FOXP1: variants seen among roughly 807,000 people sequenced by gnomAD.
The protein encoded by FOXP1 is forkhead box P1.
A neutral mutation model predicts 98.2 loss-of-function variants in FOXP1; 15 were observed. That is an observed-to-expected ratio of 0.15 (90% CI 0.10 to 0.24). The LOEUF (loss-of-function observed/expected upper bound fraction) is 0.24, where lower values mean the gene tolerates loss of function less well. Ranked by LOEUF, FOXP1 falls within the 10% of genes least tolerant of loss-of-function variation. The pLI is 1.00. For missense variants in FOXP1, 633 were observed against 848.5 expected (o/e 0.75, Z 3.15); for synonymous variants, 371 against 314.5 (o/e 1.18, Z -1.90).
At chr3:71,167,130 G>T (rs751398699) in intron 6 of FOXP1, among the ~76,000 whole-genome samples, 3 of 151,986 alleles carry the variant, frequency 2.0e-5, no homozygotes, top group Non-Finnish European at 2.9e-5. Context: ...CTGTGCCACA[G>T]CAATCTCAGA....
At chr3:71,389,266 G>GGGT (rs1158481882) in intron 3 of FOXP1, among the ~76,000 whole-genome samples, 4 of 93,616 alleles carry the variant, frequency 4.3e-5, no homozygotes, top group Admixed American at 1.2e-4. Context: ...GGGGGGGCGG[G>GGGT]TTATAAATTT....
intron 6 of FOXP1, among the ~76,000 whole-genome samples, chr3:71,150,221 G>A (rs947039873): frequency 6.6e-6 from 1 of 152,188 alleles, no homozygotes; most frequent in Non-Finnish European, 1.5e-5. Flanking sequence ...TACTAGGGAG[G>A]ATGCTATTTG....
chr3:71,385,107 TA>T (rs11304054), intron 3 of FOXP1, among the ~76,000 whole-genome samples: 38,862 of 138,650 alleles, frequency 0.28, 5,316 homozygotes, highest in African/African-American at 0.39. Flanking sequence ...GAAAAGGAAG[TA>T]AAAAAAAAAA....
In FOXP1 at chr3:71,276,816, A is replaced by C. The variant is rs531060647; in HGVS notation, c.-12+23004T>G. On this transcript the variant is annotated intron_variant, in intron 5 of 20. Coordinates refer to ENST00000649528, the MANE Select transcript of FOXP1 (RefSeq NM_001349338.3). ...AATTATGTATTGCTGTTAACTATAC[A>C]GTCAGCCTACAGTGGTACAGAACAA... is the stretch of plus-strand genomic sequence containing the variant. Among the ~76,000 whole-genome samples the C allele has an allele frequency of 3.6e-4, 55 of 152,268 alleles. 1 individual carries two copies. The South Asian group carries it at 9.1e-3, about 25-fold the overall frequency.
intron 5 of FOXP1, among the ~76,000 whole-genome samples, chr3:71,296,739 G>A (rs1484143386): frequency 1.3e-5 from 2 of 152,174 alleles, no homozygotes; most frequent in African/African-American, 4.8e-5. Flanking sequence ...TCAGAGGAGG[G>A]GCCAATAGAA....
At chr3:71,116,761 A>T (rs2058402647) in intron 6 of FOXP1, among the ~76,000 whole-genome samples, 1 of 152,240 alleles carries the variant, frequency 6.6e-6, no homozygotes, top group Non-Finnish European at 1.5e-5. Context: ...ATGATCTATA[A>T]ATCACTGTGG....
intron 3 of FOXP1, among the ~76,000 whole-genome samples, chr3:71,474,496 C>T (rs2089645571): frequency 6.6e-6 from 1 of 152,176 alleles, no homozygotes; most frequent in African/African-American, 2.4e-5. Flanking sequence ...AGCAGGAGGT[C>T]AGCGTCAGGC....
At chr3:71,408,013 A>G (rs529467502) in intron 3 of FOXP1, among the ~76,000 whole-genome samples, 2 of 152,188 alleles carry the variant, frequency 1.3e-5, no homozygotes, top group South Asian at 2.1e-4. Context: ...CCTCGTCAGG[A>G]AAGAGAGCAG....
intron 14 of FOXP1, among the ~76,000 whole-genome samples, chr3:70,983,694 A>G (rs2039265700): frequency 6.6e-6 from 1 of 152,218 alleles, no homozygotes; most frequent in African/African-American, 2.4e-5. Context: ...TCTGATGTGC[A>G]GGAATACCCT....
intron 2 of FOXP1, among the ~76,000 whole-genome samples, chr3:71,530,691 G>A (rs1016110167): frequency 5.9e-5 from 9 of 152,190 alleles, no homozygotes; most frequent in African/African-American, 1.9e-4. Context: ...CCCTTTCTAA[G>A]CACTGTCTCA....
intron 4 of FOXP1, among the ~76,000 whole-genome samples, chr3:71,316,607 GATGTAGGCCTGTACAA>G (rs1414340337): frequency 2.0e-5 from 3 of 151,844 alleles, no homozygotes; most frequent in Non-Finnish European, 4.4e-5. Context: ...GGGGCACCCG[GATGTAGGCCTGTACAA>G]ATGAGGCAAG....
chr3:71,423,588 TACAAAGC>T (rs1474551805), intron 3 of FOXP1, among the ~76,000 whole-genome samples: 1 of 152,150 alleles, frequency 6.6e-6, no homozygotes, highest in African/African-American at 2.4e-5. Context: ...CTACCAGGGG[TACAAAGC>T]AGACCTGACA....
Position 71,392,244 on chromosome 3 carries a change from C to G in FOXP1, c.-167-33000G>C, listed in dbSNP as rs560111643. ...ACCACATAACTGATTTTAAACTCAGCAAAGTGTTTTATTAAACCTAAGGGT... is the reference window on the plus strand; with the variant it reads ...ACCACATAACTGATTTTAAACTCAGGAAAGTGTTTTATTAAACCTAAGGGT... On this transcript the variant is annotated intron_variant, in intron 3 of 20. Coordinates refer to ENST00000649528, the MANE Select transcript of FOXP1 (RefSeq NM_001349338.3). 2.0e-5 allele frequency among the ~76,000 whole-genome samples: 3 copies of G among 152,232 alleles called. No homozygotes were observed. The East Asian group carries it at 5.8e-4, about 29-fold the overall frequency.
intron 7 of FOXP1, among the ~76,000 whole-genome samples, chr3:71,073,960 G>A (rs1017410437): frequency 1.4e-4 from 21 of 152,194 alleles, no homozygotes; most frequent in Non-Finnish European, 2.2e-4. Context: ...GAACAGAGAG[G>A]TGCAGGAAAT....
rs561450426 is a variant in FOXP1 at position 71,548,957 on chromosome 3, G to A, written c.-298+32592C>T. ...ATTTTACAGATTTAGGAACTAAGGC[G>A]GTGTGTTTAAATAACATATCCAAGG... On this transcript the variant is annotated intron_variant, in intron 2 of 20. Coordinates refer to ENST00000649528, the MANE Select transcript of FOXP1 (RefSeq NM_001349338.3). Among the ~76,000 whole-genome samples the A allele has an allele frequency of 2.0e-4, 31 of 152,188 alleles. 1 individual carries two copies. The highest frequency in any genetic ancestry group is 6.0e-4 in the African/African-American group (25 of 41,520).
At chr3:71,356,098 T>C (rs1390405496) in intron 4 of FOXP1, among the ~76,000 whole-genome samples, 1 of 151,116 alleles carries the variant, frequency 6.6e-6, no homozygotes, top group Non-Finnish European at 1.5e-5. Flanking sequence ...ATCGACATCA[T>C]GTAACATCAG....
At chr3:71,544,514 T>C (rs1023876122) in intron 2 of FOXP1, among the ~76,000 whole-genome samples, 16 of 152,246 alleles carry the variant, frequency 1.1e-4, no homozygotes, top group African/African-American at 3.4e-4. Flanking sequence ...ATGAGAACAT[T>C]TGCAGTGACA....
At chr3:71,137,323 C>T (rs967052194) in intron 6 of FOXP1, among the ~76,000 whole-genome samples, 2 of 152,034 alleles carry the variant, frequency 1.3e-5, no homozygotes, top group Non-Finnish European at 2.9e-5. Flanking sequence ...GCCAGCCCAG[C>T]CAAGGCACAG....
chr3:71,047,748 G>T (rs1379287879), intron 9 of FOXP1, among the ~76,000 whole-genome samples: 2 of 152,200 alleles, frequency 1.3e-5, no homozygotes, highest in East Asian at 3.8e-4. Context: ...CTAAGCTTCA[G>T]ATGCCTTAAC....
Sources: gnomAD v4.1 joint callset for allele counts (sites outside exome capture counted in the v4.1 genomes callset) on GRCh38, gnomAD v4.1.1 for gene constraint, MANE v1.5 for transcripts, NCBI Gene and HGNC (gene_info 2026-07-23, HGNC 2026-07-21) for gene names.